The following DIAPH3 variants were observed in gnomAD, a reference collection of about 807,000 sequenced individuals.
DIAPH3 encodes the protein protein diaphanous homolog 3.
Under a neutral mutation model 144.3 loss-of-function variants are expected in DIAPH3, and 117 were observed. That is an observed-to-expected ratio of 0.81 (90% CI 0.70 to 0.95). The LOEUF is 0.95. DIAPH3 is among the 40% of genes least tolerant of loss of function. The probability of loss-of-function intolerance (pLI) is 0.00; values close to 1 mark genes in which losing one functional copy is unlikely to be tolerated. For missense variants in DIAPH3, 1,421 were observed against 1,412.7 expected (o/e 1.01, Z -0.09); for synonymous variants, 519 against 488.9 (o/e 1.06, Z -0.81).
intron 17 of DIAPH3, among the ~76,000 whole-genome samples, chr13:59,959,992 C>G (rs1461287771): frequency 6.6e-6 from 1 of 152,090 alleles, no homozygotes; most frequent in Non-Finnish European, 1.5e-5. Context: ...ATTCTAGGAC[C>G]ACCAACCACC....
chr13:59,680,904 T>C (rs1040390049), intron 27 of DIAPH3, among the ~76,000 whole-genome samples: 1 of 152,188 alleles, frequency 6.6e-6, no homozygotes, highest in Non-Finnish European at 1.5e-5. Context: ...AATCTCATGA[T>C]ACGAAAAGAC....
intron 2 of DIAPH3, among the ~76,000 whole-genome samples, chr13:60,128,334 A>G (rs1046903580): frequency 6.6e-6 from 1 of 152,058 alleles, no homozygotes; most frequent in Non-Finnish European, 1.5e-5. Flanking sequence ...GATTGATTCC[A>G]TGTCTTTGCT....
intron 22 of DIAPH3, among the ~76,000 whole-genome samples, chr13:59,851,982 A>T (rs887398648): frequency 1.3e-5 from 2 of 152,148 alleles, no homozygotes; most frequent in African/African-American, 4.8e-5. Flanking sequence ...GTCAAGCCTA[A>T]TCCTTGCTAA....
intron 1 of DIAPH3, among the ~76,000 whole-genome samples, chr13:60,158,990 G>T (rs758663033): frequency 2.3e-4 from 35 of 150,020 alleles, no homozygotes; most frequent in Non-Finnish European, 1.0e-4. Context: ...AGGTTCCAGG[G>T]ATTAAGGAGT....
At chr13:60,086,228 A>G (rs2057741854) in intron 4 of DIAPH3, among the ~76,000 whole-genome samples, 1 of 152,150 alleles carries the variant, frequency 6.6e-6, no homozygotes, top group Admixed American at 6.5e-5. Flanking sequence ...CAAAAACACA[A>G]TGCAGTAATA....
chr13:59,694,629 A>G (rs1232358801), intron 27 of DIAPH3, among the ~76,000 whole-genome samples: 1 of 152,178 alleles, frequency 6.6e-6, no homozygotes, highest in African/African-American at 2.4e-5. Flanking sequence ...AATAAAGTAA[A>G]TTAGCCTTTA....
chr13:59,955,407 G>A (rs574226777), intron 17 of DIAPH3, among the ~76,000 whole-genome samples: 2 of 152,224 alleles, frequency 1.3e-5, no homozygotes, highest in East Asian at 1.9e-4. Context: ...CATGTAAGAC[G>A]TGCCTTTACT....
chr13:59,890,121 T>C (rs538082879), intron 20 of DIAPH3, among the ~76,000 whole-genome samples: 21 of 152,166 alleles, frequency 1.4e-4, no homozygotes, highest in African/African-American at 4.6e-4. Context: ...ATCTGGCTAG[T>C]CTTGCTCAGT....
chr13:59,823,999 A>C (rs1380873105), intron 24 of DIAPH3, among the ~76,000 whole-genome samples: 1 of 152,154 alleles, frequency 6.6e-6, no homozygotes, highest in African/African-American at 2.4e-5. Flanking sequence ...CAATTTTATA[A>C]ACCAAAAATT....
intron 7 of DIAPH3, among the ~76,000 whole-genome samples, chr13:60,014,345 A>G (rs1412006606): frequency 6.6e-6 from 1 of 152,200 alleles, no homozygotes; most frequent in African/African-American, 2.4e-5. Context: ...AGATATGTAA[A>G]AAGCTACCTT....
chr13:59,802,667 A>ATTATTATTAT (rs1433627853), intron 25 of DIAPH3, among the ~76,000 whole-genome samples: 2 of 23,764 alleles, frequency 8.4e-5, no homozygotes, highest in Non-Finnish European at 1.5e-4. Flanking sequence ...TATTATTATT[A>ATTATTATTAT]TTTTTTTTTT....
intron 21 of DIAPH3, among the ~76,000 whole-genome samples, chr13:59,873,392 A>G (rs1228245493): frequency 6.6e-6 from 1 of 152,222 alleles, no homozygotes; most frequent in East Asian, 1.9e-4. Context: ...AAACTTCACA[A>G]AAACGACTCA....
At chr13:59,833,018 A>T in intron 24 of DIAPH3, 89 bp downstream of exon 24, 1 of 992,852 alleles carries the variant, frequency 1.0e-6, no homozygotes, top group Non-Finnish European at 1.5e-6. Context: ...AGGTTTTCCT[A>T]CAGCAACAAG....
intron 17 of DIAPH3, among the ~76,000 whole-genome samples, chr13:59,955,548 A>T (rs549955659): frequency 1.3e-5 from 2 of 152,316 alleles, no homozygotes; most frequent in South Asian, 4.1e-4. Flanking sequence ...GAAGCGACTA[A>T]TACAGTAAAT....
chr13:59,853,828 T>C (rs1283875289), intron 22 of DIAPH3, among the ~76,000 whole-genome samples: 2 of 152,216 alleles, frequency 1.3e-5, no homozygotes, highest in Non-Finnish European at 2.9e-5. Flanking sequence ...AATTTAATGA[T>C]ACATGCTTTC....
chr13:59,877,013 C>T (rs183172869), intron 21 of DIAPH3, among the ~76,000 whole-genome samples: 2 of 152,210 alleles, frequency 1.3e-5, no homozygotes, highest in Admixed American at 1.3e-4. Context: ...TACATCCCCA[C>T]TACATTCTAC....
Position 59,787,508 on chromosome 13 carries a change from G to C in DIAPH3, c.3164-12685C>G, listed in dbSNP as rs1183064345. On this transcript the variant is annotated intron_variant, in intron 25 of 27. Transcript: ENST00000400324. ...AGGAGAGAGAATCACTTGAGCCTAG[G>C]AATTTGAAACCAGCCTAGACAACAT... Among the ~76,000 whole-genome samples the C allele has an allele frequency of 2.0e-5, 3 of 152,174 alleles. No homozygotes were observed. In the East Asian group the frequency reaches 5.8e-4, roughly 29 times the overall value.
intron 27 of DIAPH3, among the ~76,000 whole-genome samples, chr13:59,755,969 A>G (rs1356947240): frequency 6.6e-6 from 1 of 152,224 alleles, no homozygotes; most frequent in Non-Finnish European, 1.5e-5. Flanking sequence ...AAAAAATATG[A>G]TATTAATCAA....
intron 12 of DIAPH3, among the ~76,000 whole-genome samples, chr13:59,989,142 G>C (rs980413268): frequency 6.6e-6 from 1 of 151,672 alleles, no homozygotes. Context: ...AAATGTTACA[G>C]GTTATCTAAG....
Sources: gnomAD v4.1 joint callset for allele counts (sites outside exome capture counted in the v4.1 genomes callset) on GRCh38, gnomAD v4.1.1 for gene constraint, MANE v1.5 for transcripts, NCBI Gene and HGNC (gene_info 2026-07-23, HGNC 2026-07-21) for gene names.